The following RBFOX1 variants were observed in gnomAD, a reference collection of about 807,000 sequenced individuals.
The protein encoded by RBFOX1 is RNA binding protein fox-1 homolog 1.
Under a neutral mutation model 57.7 loss-of-function variants are expected in RBFOX1, and 8 were observed. That is an observed-to-expected ratio of 0.14 (90% CI 0.08 to 0.25). RBFOX1 has a LOEUF of 0.25. Among genes scored for constraint, RBFOX1 ranks in the 10% least tolerant of loss-of-function variants. The pLI, the probability that RBFOX1 is intolerant of heterozygous loss-of-function variation, is 1.00. For missense variants in RBFOX1, 611 were observed against 548.5 expected, an observed-to-expected ratio of 1.11 and a Z score of -1.14; for synonymous variants, 326 against 222.4, an observed-to-expected ratio of 1.47 and a Z score of -4.15.
chr16:7,563,987 C>T (rs371055739), intron 5 of RBFOX1, among the ~76,000 whole-genome samples: 1 of 152,172 alleles, frequency 6.6e-6, no homozygotes, highest in East Asian at 1.9e-4. Context: ...ATTTCAAGCC[C>T]CCAGGACAAA....
At chr16:6,132,858 A>C (rs1365827724) in intron 1 of RBFOX1, among the ~76,000 whole-genome samples, 2 of 151,742 alleles carry the variant, frequency 1.3e-5, no homozygotes, top group Non-Finnish European at 2.9e-5. Flanking sequence ...ATGGTGGCGC[A>C]TGCCTGTAGT....
intron 1 of RBFOX1, among the ~76,000 whole-genome samples, chr16:5,438,421 G>GACAAGTGTAATGTATGGCCTAAC (rs1486176474): frequency 3.9e-5 from 6 of 152,148 alleles, no homozygotes; most frequent in Non-Finnish European, 1.5e-5. Flanking sequence ...TAAAGCAGTG[G>GACAAGTGTAATGTATGGCCTAAC]ACAAGTGTAA....
chr16:7,270,662 T>C (rs1397079636), intron 4 of RBFOX1, among the ~76,000 whole-genome samples: 1 of 152,202 alleles, frequency 6.6e-6, no homozygotes, highest in Non-Finnish European at 1.5e-5. Context: ...GACAAACCTC[T>C]ACTATTCTAC....
intron 3 of RBFOX1, among the ~76,000 whole-genome samples, chr16:6,665,021 G>A (rs142518003): frequency 9.8e-5 from 15 of 152,292 alleles, no homozygotes; most frequent in Non-Finnish European, 1.6e-4. Flanking sequence ...CATAGAAAAT[G>A]AAGTCAGACT....
intron 1 of RBFOX1, among the ~76,000 whole-genome samples, chr16:6,167,496 G>A (rs977412818): frequency 2.6e-5 from 4 of 151,860 alleles, no homozygotes; most frequent in Non-Finnish European, 1.5e-5. Context: ...TTTGTTTTTT[G>A]TTTAACGGTT....
At chr16:7,078,919 A>G (rs1411570470) in intron 4 of RBFOX1, among the ~76,000 whole-genome samples, 1 of 111,052 alleles carries the variant, frequency 9.0e-6, no homozygotes, top group Admixed American at 1.3e-4. Context: ...CATGTTGTCC[A>G]GGCTGGTCTT....
chr16:7,178,522 A>G (rs891943912), intron 4 of RBFOX1, among the ~76,000 whole-genome samples: 8 of 152,192 alleles, frequency 5.3e-5, no homozygotes, highest in East Asian at 1.9e-4. Flanking sequence ...TTACTAAACA[A>G]TGTGATGTGT....
chr16:7,501,820 C>A (rs935010097), intron 4 of RBFOX1, among the ~76,000 whole-genome samples: 4 of 152,152 alleles, frequency 2.6e-5, no homozygotes, highest in African/African-American at 7.2e-5. Context: ...TCTCTGGGCA[C>A]ATACCCTATT....
chr16:5,696,850 A>G (rs1469284071), intron 3 of RBFOX1, among the ~76,000 whole-genome samples: 1 of 152,024 alleles, frequency 6.6e-6, no homozygotes, highest in South Asian at 2.1e-4. Context: ...TAAATTATCT[A>G]TCTTACATAT....
At chr16:6,056,022 T>C (rs917227949) in intron 1 of RBFOX1, among the ~76,000 whole-genome samples, 12 of 152,194 alleles carry the variant, frequency 7.9e-5, no homozygotes, top group African/African-American at 2.9e-4. Flanking sequence ...TTTCATTTCT[T>C]TGCACTCAAT....
Position 7,594,439 on chromosome 16 carries a change from C to T in RBFOX1, c.469-1110C>T, listed in dbSNP as rs113891257. Among the ~76,000 whole-genome samples, 461 of 152,138 alleles carry T rather than the reference C, an allele frequency of 3.0e-3. 5 individuals carry two copies. The highest frequency in any genetic ancestry group is 0.01 in the African/African-American group (435 of 41,506). On this transcript the variant is annotated intron_variant, in intron 7 of 15. Coordinates refer to ENST00000550418, the MANE Select transcript of RBFOX1 (RefSeq NM_018723.4). ...TGGGTAAATTTATGTGGAAATTGTT[C>T]GAAAGGTTGGTGTATATTTCTGAAC...
At chr16:6,336,286 C>T (rs1450870659) in intron 2 of RBFOX1, among the ~76,000 whole-genome samples, 49 of 145,386 alleles carry the variant, frequency 3.4e-4, no homozygotes, top group Non-Finnish European at 4.5e-5. Context: ...GCAAGCTCCG[C>T]CTCCCAGGTT....
Position 6,371,467 on chromosome 16 carries a change from T to G in RBFOX1, c.-64+54410T>G, listed in dbSNP as rs568508696. Among the ~76,000 whole-genome samples the G allele has an allele frequency of 3.3e-5, 5 of 152,330 alleles. No homozygotes were observed. In the East Asian group the frequency reaches 9.6e-4, roughly 29 times the overall value. ...TTCGTTATTTGTTTTGATGCTCAAG[T>G]TGTATCATATGTATTCACTGGGAGC... On this transcript the variant is annotated intron_variant, in intron 2 of 15. Coordinates refer to ENST00000550418, the MANE Select transcript of RBFOX1 (RefSeq NM_018723.4).
intron 4 of RBFOX1, among the ~76,000 whole-genome samples, chr16:7,075,048 G>T (rs1322797087): frequency 6.6e-6 from 1 of 152,090 alleles, no homozygotes; most frequent in Non-Finnish European, 1.5e-5. Flanking sequence ...TCCCCAAAGC[G>T]TAAAAGCAAC....
At chr16:6,586,134 A>G (rs1008552683) in intron 2 of RBFOX1, among the ~76,000 whole-genome samples, 4 of 152,226 alleles carry the variant, frequency 2.6e-5, no homozygotes, top group East Asian at 3.8e-4. Flanking sequence ...GTTATGATCA[A>G]TTCAGACGTT....
chr16:7,086,357 C>A (rs982056419), intron 4 of RBFOX1, among the ~76,000 whole-genome samples: 4 of 152,098 alleles, frequency 2.6e-5, no homozygotes, highest in African/African-American at 9.7e-5. Flanking sequence ...TAATATTTCC[C>A]CCTCTCCCCT....
intron 1 of RBFOX1, among the ~76,000 whole-genome samples, chr16:6,084,697 T>C (rs1317317105): frequency 6.6e-6 from 1 of 152,136 alleles, no homozygotes; most frequent in East Asian, 1.9e-4. Flanking sequence ...CGGGATTCCT[T>C]GGTTAGGAGA....
At chr16:5,421,186 T>C (rs2067314943) in intron 1 of RBFOX1, among the ~76,000 whole-genome samples, 1 of 151,788 alleles carries the variant, frequency 6.6e-6, no homozygotes, top group Non-Finnish European at 1.5e-5. Context: ...TTTGTAGTTT[T>C]TGGTAGAGAT....
chr16:7,028,284 A>C (rs189874944), intron 3 of RBFOX1, among the ~76,000 whole-genome samples: 1 of 152,240 alleles, frequency 6.6e-6, no homozygotes, highest in Non-Finnish European at 1.5e-5. Flanking sequence ...AAATTGGCAC[A>C]CAGTTCATGC....
Sources: gnomAD v4.1 joint callset for allele counts (sites outside exome capture counted in the v4.1 genomes callset) on GRCh38, gnomAD v4.1.1 for gene constraint, MANE v1.5 for transcripts, NCBI Gene and HGNC (gene_info 2026-07-23, HGNC 2026-07-21) for gene names.